Variants in GPR37 observed in about 807,000 individuals in gnomAD.
GPR37 encodes the protein prosaposin receptor GPR37.
In GPR37, 20 loss-of-function variants were observed where a neutral mutation model predicts 43.6. The observed-to-expected ratio is 0.46, with a 90% confidence interval of 0.32 to 0.67. The LOEUF (loss-of-function observed/expected upper bound fraction) is 0.67, where lower values mean the gene tolerates loss of function less well. Among genes scored for constraint, GPR37 ranks in the 30% least tolerant of loss-of-function variants. GPR37 has a pLI of 0.03. For missense variants in GPR37, 724 were observed against 797.2 expected (o/e 0.91, Z 1.11); for synonymous variants, 315 against 322.6 (o/e 0.98, Z 0.25).
chr7:124,753,044 A>C, intron 1 of GPR37, among the ~76,000 whole-genome samples: 1 of 152,178 alleles, frequency 6.6e-6, no homozygotes, highest in Middle Eastern at 3.4e-3. Context: ...ATGTTACTTT[A>C]GTCATTTAGA....
rs1037633008 is a variant in GPR37, at chr7:124,764,379, T to C, written c.598A>G (p.Thr200Ala). 18 of 1,613,604 alleles carry C rather than the reference T, an allele frequency of 1.1e-5. 1 individual carries two copies. The Admixed American group carries it at 1.8e-4, about 16-fold the overall frequency. The change falls in exon 1 of 2, where the codon ACG (threonine) becomes GCG (alanine). Residue 200 changes from threonine to alanine, a missense_variant. This residue lies in a region of GPR37 where 382 missense variants were observed against 355.4 expected (regional missense o/e 1.07). Coordinates refer to ENST00000303921, the MANE Select transcript of GPR37 (RefSeq NM_005302.5). The surrounding 1 kb of genome is among the most constrained non-coding windows in gnomAD (Gnocchi z 5.4). ...TCGTGCCCCGCCAGTCCATTGGCCG[T>C]CTTGGACAGGGGCTTGTGGTGGGAA... ...QGSHHKPLSK[T>A]ANGLAGHEGW...
Position 124,747,351 on chromosome 7 carries a change from G to A in GPR37, c.1024-8C>T, listed in dbSNP as rs766300179. The A allele has an allele frequency of 5.7e-6, 9 of 1,579,044 alleles. No individual in the cohort carries two copies. The highest frequency in any genetic ancestry group is 6.9e-6 in the Non-Finnish European group (8 of 1,155,002). On this transcript the variant is annotated splice_region_variant and splice_polypyrimidine_tract_variant and intron_variant, in intron 1 of 1. Coordinates refer to ENST00000303921, the MANE Select transcript of GPR37 (RefSeq NM_005302.5). ...GACTCCCAGAGAAGCGACCTGTGGG[G>A]GAACATAGAAGACATTTATTCCCGG...
At chr7:124,761,694 GC>G (rs1455413862) in intron 1 of GPR37, among the ~76,000 whole-genome samples, 13 of 152,138 alleles carry the variant, frequency 8.5e-5, no homozygotes, top group African/African-American at 3.1e-4. Flanking sequence ...AAACATCAGT[GC>G]CTCCTGGAGA....
chr7:124,752,789 T>A (rs1045539032), intron 1 of GPR37, among the ~76,000 whole-genome samples: 2 of 152,156 alleles, frequency 1.3e-5, no homozygotes, highest in Non-Finnish European at 2.9e-5. Flanking sequence ...CTTGTGATTG[T>A]CAGTTTGACT....
chr7:124,746,986 A>C lies in GPR37; in HGVS notation c.1381T>G (p.Cys461Gly). ...FCLPTLFTIT[C>G]SLVTARKIRK... Reference sequence around the variant, plus strand: ...ATTTTCCTCGCAGTCACTAGAGAGCAGGTGATGGTGAAAAGCGTGGGCAAA... The same window carrying C: ...ATTTTCCTCGCAGTCACTAGAGAGCCGGTGATGGTGAAAAGCGTGGGCAAA... The change falls in exon 2 of 2, where the codon TGC (cysteine) becomes GGC (glycine). Residue 461 changes from cysteine (C) to glycine (G), a missense_variant. Transcript: ENST00000303921. 1 of 1,614,034 alleles carries C rather than the reference A, an allele frequency of 6.2e-7. No homozygotes were observed. The highest frequency in any genetic ancestry group is 8.5e-7 in the Non-Finnish European group (1 of 1,179,952).
At chr7:124,762,371 T>A (rs1793860760) in intron 1 of GPR37, among the ~76,000 whole-genome samples, 1 of 152,076 alleles carries the variant, frequency 6.6e-6, no homozygotes, top group South Asian at 2.1e-4. Context: ...GATTTCTACA[T>A]GTCCAGTACA....
Position 124,754,468 on chromosome 7 carries a change from G to A in GPR37, c.1024-7125C>T, listed in dbSNP as rs111926262. On this transcript the variant is annotated intron_variant, in intron 1 of 1. Coordinates refer to ENST00000303921, the MANE Select transcript of GPR37 (RefSeq NM_005302.5). The stretch of plus-strand genomic sequence containing the variant: ...AATTGTGTCTTTCGCAAAACTTTCC[G>A]GTACAAATCAGTGATAACACCGATG... Among the ~76,000 whole-genome samples, 808 of 151,968 alleles carry A rather than the reference G, an allele frequency of 5.3e-3. 6 individuals carry two copies. The highest frequency in any genetic ancestry group is 9.9e-3 in the African/African-American group (412 of 41,456).
At chr7:124,760,630 AT>A (rs1793840698) in intron 1 of GPR37, among the ~76,000 whole-genome samples, 1 of 152,100 alleles carries the variant, frequency 6.6e-6, no homozygotes, top group Non-Finnish European at 1.5e-5. Context: ...AAAAGAAAAA[AT>A]TTTTCAGATG....
intron 1 of GPR37, among the ~76,000 whole-genome samples, chr7:124,757,961 T>C (rs956589882): frequency 6.6e-6 from 1 of 152,214 alleles, no homozygotes; most frequent in East Asian, 1.9e-4. Context: ...TTCAAATTGT[T>C]CTTTAATCAG....
Position 124,745,566 on chromosome 7 carries a change from CAA to C in GPR37, c.*957_*958del, listed in dbSNP as rs1397971423. On this transcript the variant is annotated 3_prime_UTR_variant, in exon 2 of 2. Coordinates refer to ENST00000303921, the MANE Select transcript of GPR37 (RefSeq NM_005302.5). ...AGAAATTAAGTTGTATAGATTTCAT[CAA>C]GTTTATTTTTCAAAAGGAGAAAAAT... Among the ~76,000 whole-genome samples, 6 of 152,216 alleles carry C rather than the reference CAA, an allele frequency of 3.9e-5. No individual in the cohort carries two copies. Among genetic ancestry groups the C allele is most frequent in the Non-Finnish European group, 7.4e-5 (5 of 68,012 alleles).
At chr7:124,755,444 A>C (rs1793781288) in intron 1 of GPR37, among the ~76,000 whole-genome samples, 1 of 152,180 alleles carries the variant, frequency 6.6e-6, no homozygotes, top group Non-Finnish European at 1.5e-5. Flanking sequence ...ACTATTTAAA[A>C]ATCAACATAT....
At chr7:124,761,978 TAAC>T (rs1251552362) in intron 1 of GPR37, among the ~76,000 whole-genome samples, 1 of 151,978 alleles carries the variant, frequency 6.6e-6, no homozygotes. Flanking sequence ...CTAGCACTAA[TAAC>T]TGAAAAATAG....
Position 124,764,976 on chromosome 7 carries a change from TG to T in GPR37, c.-1del, listed in dbSNP as rs764832581. The stretch of plus-strand genomic sequence containing the variant: ...GCGAGAAGCGCGCCCGGGGCTCGCA[TG>T]GCTTGGTGAGGGCACACCCGGCAGC... On this transcript the variant is annotated 5_prime_UTR_variant, in exon 1 of 2. Coordinates refer to ENST00000303921, the MANE Select transcript of GPR37 (RefSeq NM_005302.5). The surrounding 1 kb of genome is among the most constrained non-coding windows in gnomAD (Gnocchi z 5.4). The T allele has an allele frequency of 2.0e-6, 3 of 1,474,156 alleles. No individual in the cohort carries two copies. The highest frequency in any genetic ancestry group is 1.8e-6 in the Non-Finnish European group (2 of 1,117,196). The allele number at this position is 1,474,156 out of a possible 1,614,324, so 91.3% of individuals were successfully genotyped here. A position where few individuals can be genotyped will look rare whatever the true frequency, so the allele number is the denominator to read the frequency against.
intron 1 of GPR37, 76 bp from the exon 2 acceptor site, chr7:124,747,419 G>A (rs1584723026): frequency 1.1e-6 from 1 of 890,284 alleles, no homozygotes; most frequent in Non-Finnish European, 1.7e-6. Flanking sequence ...AATGCAGATT[G>A]GCAAAACTGT....
Position 124,764,663 on chromosome 7 carries a change from G to A in GPR37, c.314C>T (p.Ser105Leu). Residue 105 changes from serine to leucine, a missense_variant, in exon 1 of 2, where the codon TCG (serine) becomes TTG (leucine). Ser to Leu is a moderately radical substitution (Grantham distance 145). This residue lies in a region of GPR37 where 382 missense variants were observed against 355.4 expected (regional missense o/e 1.07). Coordinates refer to ENST00000303921, the MANE Select transcript of GPR37 (RefSeq NM_005302.5). The surrounding 1 kb of genome is among the most constrained non-coding windows in gnomAD (Gnocchi z 5.4). The part of the protein sequence containing the change: ...DPAAGRGAEA[S>L]AAGPPGPPTR... ...TGGAGGTCCCGGGGGTCCGGCTGCC[G>A]ACGCCTCCGCCCCTCTGCCTGCAGC... The A allele has an allele frequency of 6.3e-7, 1 of 1,582,852 alleles. No individual in the cohort carries two copies. Among genetic ancestry groups the A allele is most frequent in the Non-Finnish European group, 8.6e-7 (1 of 1,165,132 alleles).
In GPR37 at chr7:124,747,353, A is replaced by G; in HGVS notation, c.1024-10T>C. 1 of 1,565,502 alleles carries G rather than the reference A, an allele frequency of 6.4e-7. No homozygotes were observed. Among genetic ancestry groups the G allele is most frequent in the Non-Finnish European group, 8.7e-7 (1 of 1,145,364 alleles). On this transcript the variant is annotated splice_polypyrimidine_tract_variant and intron_variant, in intron 1 of 1. Transcript: ENST00000303921. ...CTCCCAGAGAAGCGACCTGTGGGGG[A>G]ACATAGAAGACATTTATTCCCGGTG...
At chr7:124,749,818 A>G (rs1467314294) in intron 1 of GPR37, among the ~76,000 whole-genome samples, 2 of 152,166 alleles carry the variant, frequency 1.3e-5, no homozygotes, top group Admixed American at 1.3e-4. Flanking sequence ...AAGAGGCACA[A>G]TTGGGCTGAT....
intron 1 of GPR37, among the ~76,000 whole-genome samples, chr7:124,748,211 A>G (rs951942591): frequency 5.3e-5 from 8 of 152,058 alleles, no homozygotes; most frequent in Non-Finnish European, 1.0e-4. Flanking sequence ...AAAGAGAGAG[A>G]GATAATGAAG....
At chr7:124,758,468 C>T (rs1793815194) in intron 1 of GPR37, among the ~76,000 whole-genome samples, 1 of 152,138 alleles carries the variant, frequency 6.6e-6, no homozygotes, top group Admixed American at 6.5e-5. Flanking sequence ...AATGACTAAT[C>T]CACCTCTCAA....
Sources: gnomAD v4.1 joint callset for allele counts (sites outside exome capture counted in the v4.1 genomes callset) on GRCh38, gnomAD v4.1.1 for gene constraint, gnomAD v4.1.1 regional missense constraint, Gnocchi (gnomAD v3.1) non-coding constraint, MANE v1.5 for transcripts, NCBI Gene and HGNC (gene_info 2026-07-23, HGNC 2026-07-21) for gene names.